Variants in MTAP observed in about 807,000 individuals in gnomAD.
The protein encoded by MTAP is S-methyl-5'-thioadenosine phosphorylase.
In MTAP, 33 loss-of-function variants were observed where a neutral mutation model predicts 33.6. The observed-to-expected ratio is 0.98, with a 90% confidence interval of 0.74 to 1.31. The LOEUF (loss-of-function observed/expected upper bound fraction) is 1.31. MTAP is among the 40% of genes most tolerant of loss of function. MTAP has a pLI of 0.00. For synonymous variants in MTAP, 148 were observed against 125.7 expected (o/e 1.18, Z -1.19); for missense variants, 367 against 360.0 (o/e 1.02, Z -0.16).
At chr9:21,930,917 AG>A (rs1818947756) in intron 1 of MTAP, 1 of 645,084 alleles carries the variant, frequency 1.6e-6, no homozygotes, top group Admixed American at 2.4e-5. Context: ...TTCCCTTTTT[AG>A]GCCCACATGT....
chr9:21,935,189 C>T (rs1197863634), downstream of MTAP: 1 of 152,070 alleles, frequency 6.6e-6, no homozygotes, highest in Non-Finnish European at 1.5e-5. Context: ...ATTGAATACA[C>T]TTGCTGAATA....
chr9:21,845,030 CA>C (rs35813212), intron 5 of MTAP, among the ~76,000 whole-genome samples: 109 of 121,598 alleles, frequency 9.0e-4, no homozygotes, highest in East Asian at 1.1e-3. Context: ...GACTCCGTCT[CA>C]AAAAAAAAAA....
intron 1 of MTAP, chr9:21,930,700 A>T: frequency 1.7e-6 from 1 of 583,480 alleles, no homozygotes. Flanking sequence ...GTCCTCCAAA[A>T]CTGTCAAGGA....
intron 4 of MTAP, among the ~76,000 whole-genome samples, chr9:21,831,922 T>A (rs1419567583): frequency 6.6e-6 from 1 of 152,080 alleles, no homozygotes; most frequent in Non-Finnish European, 1.5e-5. Context: ...AAGGCCTGTG[T>A]TTGGGTTATG....
At chr9:21,816,965 C>T (rs1427723889) in intron 3 of MTAP, among the ~76,000 whole-genome samples, 193 bp downstream of exon 3, 3 of 152,200 alleles carry the variant, frequency 2.0e-5, no homozygotes, top group Non-Finnish European at 4.4e-5. Flanking sequence ...ATCTCATGCT[C>T]TTGCCCCTTA....
At chr9:21,908,075 A>G (rs1477952850) in intron 1 of MTAP, among the ~76,000 whole-genome samples, 1 of 152,140 alleles carries the variant, frequency 6.6e-6, no homozygotes, top group Non-Finnish European at 1.5e-5. Flanking sequence ...CATTCACCAC[A>G]AGGATCCCTG....
intron 1 of MTAP, among the ~76,000 whole-genome samples, chr9:21,891,431 C>T: frequency 6.6e-6 from 1 of 151,992 alleles, no homozygotes; most frequent in East Asian, 1.9e-4. Context: ...ATCAAAATAG[C>T]CATTTTAAGA....
intron 1 of MTAP, among the ~76,000 whole-genome samples, chr9:21,920,215 T>G (rs1818765002): frequency 6.6e-6 from 1 of 152,078 alleles, no homozygotes; most frequent in African/African-American, 2.4e-5. Flanking sequence ...GAGTATATTC[T>G]GAACATAGCA....
At position 21,863,628 on chromosome 9, in the gene MTAP, A is replaced by G. The variant is rs1825798765; in HGVS notation, c.*1614A>G. ...ACAGAGTAAGACTCAGTCTCAAAAAAAAAAAAAAGAGTGAAATGCTTTTTG... is the reference window on the plus strand; with the variant it reads ...ACAGAGTAAGACTCAGTCTCAAAAAGAAAAAAAAGAGTGAAATGCTTTTTG... On this transcript the variant is annotated 3_prime_UTR_variant, in exon 8 of 8. Transcript: ENST00000644715. 8 of 985,770 alleles carry G rather than the reference A, an allele frequency of 8.1e-6. No individual in the cohort carries two copies. The highest frequency in any genetic ancestry group is 9.6e-6 in the Non-Finnish European group (8 of 830,012). 61.1% of individuals were successfully genotyped at this position (985,770 alleles called of 1,614,324 possible).
chr9:21,863,467 C>T lies in MTAP; in HGVS notation c.*1453C>T, dbSNP rs753610558. 395 of 525,802 alleles carry T rather than the reference C, an allele frequency of 7.5e-4. No homozygotes were observed. The highest frequency in any genetic ancestry group is 7.8e-4 in the Non-Finnish European group (322 of 410,276). 32.6% of individuals were successfully genotyped at this position (525,802 alleles called of 1,614,324 possible). On this transcript the variant is annotated 3_prime_UTR_variant, in exon 8 of 8. Transcript: ENST00000644715. ...CTAAAAATACAAAAAATTAGCTGGGCGTGGTGGTGGGCACCTGTAGTCCCA... is the reference window on the plus strand; with the variant it reads ...CTAAAAATACAAAAAATTAGCTGGGTGTGGTGGTGGGCACCTGTAGTCCCA...
chr9:21,933,455 T>G (rs1315173225), downstream of MTAP: 3 of 152,132 alleles, frequency 2.0e-5, no homozygotes, highest in African/African-American at 7.2e-5. Context: ...TTTTTCTGGC[T>G]CTCTGCCATT....
At chr9:21,829,002 A>G (rs956965706) in intron 4 of MTAP, among the ~76,000 whole-genome samples, 3 of 152,218 alleles carry the variant, frequency 2.0e-5, no homozygotes, top group African/African-American at 2.4e-5. Context: ...CCTTGCATAT[A>G]TATCATTCAT....
downstream of MTAP, among the ~76,000 whole-genome samples, chr9:21,870,448 A>G (rs1825919972): frequency 6.6e-6 from 1 of 152,190 alleles, no homozygotes; most frequent in Non-Finnish European, 1.5e-5. Flanking sequence ...TTGAATGTAC[A>G]GCTTCCCAAT....
At position 21,826,867 on chromosome 9, in the gene MTAP, T is replaced by C. The variant is rs1452178092; in HGVS notation, c.347+8665T>C. ...TGGGGCGAGAGCGAGCATTACCACC[T>C]GAGCTCCCCATCCTGTCAGATCAGC... On this transcript the variant is annotated intron_variant, in intron 4 of 7. Transcript: ENST00000644715. Among the ~76,000 whole-genome samples the C allele has an allele frequency of 2.6e-5, 4 of 152,042 alleles. No individual in the cohort carries two copies. The South Asian group carries it at 8.3e-4, about 32-fold the overall frequency.
chr9:21,834,166 C>T (rs1262405575), intron 4 of MTAP, among the ~76,000 whole-genome samples: 1 of 152,184 alleles, frequency 6.6e-6, no homozygotes, highest in Admixed American at 6.5e-5. Context: ...TGACAAGTGC[C>T]AAGCACTTGC....
chr9:21,940,918 C>T (rs1372984624), downstream of MTAP: 1 of 756,054 alleles, frequency 1.3e-6, no homozygotes, highest in Non-Finnish European at 1.6e-6. Flanking sequence ...CCCCCAACCC[C>T]CAGAAGTGGA....
intron 1 of MTAP, chr9:21,811,725 C>G: frequency 3.8e-6 from 2 of 531,870 alleles, no homozygotes; most frequent in South Asian, 1.4e-5. Flanking sequence ...CTTTCAGCCT[C>G]GGTGAATTCC....
At chr9:21,833,970 A>G (rs1244776200) in intron 4 of MTAP, among the ~76,000 whole-genome samples, 3 of 151,506 alleles carry the variant, frequency 2.0e-5, no homozygotes, top group Non-Finnish European at 4.4e-5. Flanking sequence ...AGCACACATC[A>G]TTTTGTCTCC....
Position 21,863,357 on chromosome 9 carries a change from C to T in MTAP, c.*1343C>T. 1.0e-6 allele frequency: 1 copy of T among 958,096 alleles called. No homozygotes were observed. The highest frequency in any genetic ancestry group is 1.2e-6 in the Non-Finnish European group (1 of 805,176). 59.3% of individuals were successfully genotyped at this position (958,096 alleles called of 1,614,324 possible). The stretch of plus-strand genomic sequence containing the variant: ...GCACAGTTGCTCATCCATGTAATCC[C>T]AGCACTGTGGGAGGCCGAGACGGGT... On this transcript the variant is annotated 3_prime_UTR_variant, in exon 8 of 8. Coordinates refer to ENST00000644715, the MANE Select transcript of MTAP (RefSeq NM_002451.4).
Sources: allele counts gnomAD v4.1 joint callset (sites outside exome capture counted in the v4.1 genomes callset), GRCh38; gene constraint gnomAD v4.1.1; transcripts MANE v1.5; gene names NCBI Gene and HGNC (gene_info 2026-07-23, HGNC 2026-07-21).